NOX4: variants seen among roughly 807,000 people sequenced by gnomAD.
NOX4 encodes NADPH oxidase 4, also known as kidney oxidase-1.
In NOX4, 69 loss-of-function variants were observed where a neutral mutation model predicts 87.6. That is an observed-to-expected ratio of 0.79 (90% CI 0.65 to 0.96). NOX4 has a LOEUF of 0.96. Among genes scored for constraint, NOX4 ranks in the 40% least tolerant of loss-of-function variants. NOX4 has a pLI of 0.00. For missense variants in NOX4, 680 were observed against 681.5 expected (o/e 1.00, Z 0.02); for synonymous variants, 275 against 238.2 (o/e 1.15, Z -1.42).
Position 89,491,285 on chromosome 11 carries a change from A to C in NOX4, c.-39T>G, listed in dbSNP as rs2289125. 0.74 allele frequency: 1,177,939 copies of C among 1,592,588 alleles called. 446,851 individuals are homozygous for C. Among genetic ancestry groups the C allele is most frequent in the Non-Finnish European group, 0.78 (918,239 of 1,170,254 alleles). ...CCGCGCTGCGCTCTGTGCCCGCCGGACCGAGAAGGAGCGGGCGGCGGCCGG... is the reference window on the plus strand; with the variant it reads ...CCGCGCTGCGCTCTGTGCCCGCCGGCCCGAGAAGGAGCGGGCGGCGGCCGG... On this transcript the variant is annotated 5_prime_UTR_variant, in exon 1 of 18. Transcript: ENST00000263317.
At chr11:89,473,197 C>A (rs1262131703) in intron 2 of NOX4, among the ~76,000 whole-genome samples, 1 of 152,206 alleles carries the variant, frequency 6.6e-6, no homozygotes, top group Middle Eastern at 3.4e-3. Flanking sequence ...ATTATCTGTG[C>A]ACAGGAGAAG....
intron 6 of NOX4, among the ~76,000 whole-genome samples, chr11:89,433,897 G>A (rs1943947270): frequency 6.6e-6 from 1 of 152,008 alleles, no homozygotes; most frequent in Non-Finnish European, 1.5e-5. Flanking sequence ...CAGCTAAAGT[G>A]TCAATGGTCT....
chr11:89,462,382 T>C (rs1781601167), intron 2 of NOX4, among the ~76,000 whole-genome samples: 1 of 152,140 alleles, frequency 6.6e-6, no homozygotes, highest in Non-Finnish European at 1.5e-5. Context: ...TTCAAATGTA[T>C]GCAGAAATGC....
In NOX4 at chr11:89,326,484, T is replaced by A. The variant is rs1470075603; in HGVS notation, c.*272A>T. On this transcript the variant is annotated 3_prime_UTR_variant, in exon 18 of 18. Coordinates refer to ENST00000263317, the MANE Select transcript of NOX4 (RefSeq NM_016931.5). ...GGAGTTCTTGAATCCACCATGAAAA[T>A]CAACAGTGTGCATCTAACAGTTTTC... 2 of 231,086 alleles carry A rather than the reference T, an allele frequency of 8.7e-6. No homozygotes were observed. The highest frequency in any genetic ancestry group is 1.7e-5 in the Non-Finnish European group (2 of 119,178). 14.3% of individuals were successfully genotyped at this position (231,086 alleles called of 1,614,324 possible). A position where few individuals can be genotyped will look rare whatever the true frequency, so the allele number is the denominator to read the frequency against.
chr11:89,586,064 C>G, the NOX4 span, among the ~76,000 whole-genome samples: 1 of 152,006 alleles, frequency 6.6e-6, no homozygotes, highest in Non-Finnish European at 1.5e-5. Context: ...ATGCAGTGCT[C>G]TAGAGCAGAA....
chr11:89,354,493 T>G (rs772629915), intron 13 of NOX4, among the ~76,000 whole-genome samples: 9 of 152,074 alleles, frequency 5.9e-5, no homozygotes, highest in Non-Finnish European at 1.2e-4. Flanking sequence ...ATACGATAAA[T>G]AAGAATATGT....
chr11:89,563,683 C>A, the NOX4 span, among the ~76,000 whole-genome samples: 1 of 152,202 alleles, frequency 6.6e-6, no homozygotes, highest in African/African-American at 2.4e-5. Context: ...CCTGCTTTCA[C>A]CTCCAAATTT....
At chr11:89,445,331 T>C (rs1244642191) in intron 4 of NOX4, among the ~76,000 whole-genome samples, 1 of 151,772 alleles carries the variant, frequency 6.6e-6, no homozygotes, top group Non-Finnish European at 1.5e-5. Context: ...CTTAGAGTTC[T>C]AAGGTACTCA....
the NOX4 span, among the ~76,000 whole-genome samples, chr11:89,561,711 C>T: frequency 1.3e-5 from 2 of 152,118 alleles, no homozygotes; most frequent in Non-Finnish European, 2.9e-5. Flanking sequence ...CGGGGACATA[C>T]AACAGTGAAC....
upstream of NOX4, among the ~76,000 whole-genome samples, chr11:89,501,956 C>T (rs1947026606): frequency 6.6e-6 from 1 of 152,004 alleles, no homozygotes; most frequent in African/African-American, 2.4e-5. Flanking sequence ...CCCTACTCCA[C>T]CATTATATAT....
intron 13 of NOX4, among the ~76,000 whole-genome samples, chr11:89,348,961 T>C (rs1355354218): frequency 6.6e-6 from 1 of 152,140 alleles, no homozygotes; most frequent in Non-Finnish European, 1.5e-5. Flanking sequence ...AATTCCTGGA[T>C]GTGTAGTGCT....
chr11:89,583,024 A>C, the NOX4 span, among the ~76,000 whole-genome samples: 2 of 152,230 alleles, frequency 1.3e-5, no homozygotes, highest in African/African-American at 4.8e-5. Flanking sequence ...ACTGAATATA[A>C]CATTAAAATA....
chr11:89,453,039 G>A (rs1171635791), intron 2 of NOX4, among the ~76,000 whole-genome samples: 1 of 145,466 alleles, frequency 6.9e-6, no homozygotes, highest in Non-Finnish European at 1.5e-5. Flanking sequence ...GCGAGACTCT[G>A]TCTCAAAAAA....
chr11:89,510,527 A>G, the NOX4 span, among the ~76,000 whole-genome samples: 1 of 152,104 alleles, frequency 6.6e-6, no homozygotes, highest in African/African-American at 2.4e-5. Flanking sequence ...AACTCTTGCA[A>G]AAGAATGTGG....
chr11:89,525,453 A>G, the NOX4 span, among the ~76,000 whole-genome samples: 2 of 151,992 alleles, frequency 1.3e-5, no homozygotes, highest in African/African-American at 4.8e-5. Context: ...GTGTAATGCA[A>G]TGTATCTCAT....
the NOX4 span, among the ~76,000 whole-genome samples, chr11:89,512,829 C>G: frequency 9.4e-4 from 143 of 152,062 alleles, no homozygotes; most frequent in African/African-American, 3.4e-3. Flanking sequence ...ATTATACTTG[C>G]AGTTACTGGT....
chr11:89,426,049 G>A (rs1943382287), intron 7 of NOX4, among the ~76,000 whole-genome samples: 1 of 152,104 alleles, frequency 6.6e-6, no homozygotes, highest in Non-Finnish European at 1.5e-5. Context: ...AAGGACATGT[G>A]AAAGTGCTCC....
the NOX4 span, among the ~76,000 whole-genome samples, chr11:89,557,761 A>C: frequency 6.4e-3 from 974 of 152,252 alleles, 8 homozygotes; most frequent in Non-Finnish European, 9.0e-3. Context: ...GATTAATTAC[A>C]TGGGATGGGG....
chr11:89,459,391 A>G (rs990514172), intron 2 of NOX4, among the ~76,000 whole-genome samples: 1 of 152,122 alleles, frequency 6.6e-6, no homozygotes, highest in Non-Finnish European at 1.5e-5. Flanking sequence ...CTAAATCCCC[A>G]TGAAACACAA....
Sources: gnomAD v4.1 joint callset for allele counts (sites outside exome capture counted in the v4.1 genomes callset) on GRCh38, gnomAD v4.1.1 for gene constraint, MANE v1.5 for transcripts, NCBI Gene and HGNC (gene_info 2026-07-23, HGNC 2026-07-21) for gene names.